The following ERBB4 variants were observed in gnomAD, a reference collection of about 807,000 sequenced individuals.
ERBB4 encodes receptor tyrosine-protein kinase erbB-4.
ERBB4 carries 42 observed loss-of-function variants against 158.0 expected under a neutral mutation model. That is an observed-to-expected ratio of 0.27 (90% confidence interval 0.21 to 0.34). The LOEUF is 0.34. Ranked by LOEUF, ERBB4 falls within the 10% of genes least tolerant of loss-of-function variation. The pLI is 1.00. For missense variants in ERBB4, 1,333 were observed against 1,624.1 expected (o/e 0.82, Z 3.08); for synonymous variants, 583 against 558.7 (o/e 1.04, Z -0.61).
Position 212,476,184 on chromosome 2 carries a change from A to T in ERBB4, c.82+62265T>A, listed in dbSNP as rs570306934. Among the ~76,000 whole-genome samples, 270 of 144,108 alleles carry T rather than the reference A, an allele frequency of 1.9e-3. 3 individuals carry two copies. The highest frequency in any genetic ancestry group is 6.3e-3 in the African/African-American group (242 of 38,440). 94.5% of individuals were successfully genotyped at this position (144,108 alleles called of 152,430 possible). On this transcript the variant is annotated intron_variant, in intron 1 of 27. Coordinates refer to ENST00000342788, the MANE Select transcript of ERBB4 (RefSeq NM_005235.3). ...ACACACACACACACACACACCTTTA[A>T]TGACTTTCATTGCATTTTCTCTTTT...
chr2:211,705,436 A>G (rs1472597207), intron 9 of ERBB4, 45 bp from the exon 10 acceptor site: 1 of 1,216,934 alleles, frequency 8.2e-7, no homozygotes, highest in African/African-American at 1.5e-5. Flanking sequence ...ATTTTACTAA[A>G]GGATTGAAAA....
intron 19 of ERBB4, among the ~76,000 whole-genome samples, chr2:211,612,705 T>G (rs2069245173): frequency 6.6e-6 from 1 of 152,012 alleles, no homozygotes; most frequent in African/African-American, 2.4e-5. Context: ...AAAGGTCTCA[T>G]GCAGAGGACC....
chr2:211,552,364 T>C (rs747696910), intron 20 of ERBB4, among the ~76,000 whole-genome samples: 3 of 152,200 alleles, frequency 2.0e-5, no homozygotes, highest in Non-Finnish European at 2.9e-5. Flanking sequence ...AGGTAGAATC[T>C]AAATTATTTT....
intron 1 of ERBB4, among the ~76,000 whole-genome samples, chr2:212,301,159 C>A (rs911668619): frequency 6.7e-6 from 1 of 149,136 alleles, no homozygotes; most frequent in African/African-American, 2.5e-5. Context: ...CATTATAAAC[C>A]TTTCCTTTCC....
At chr2:211,532,294 ATTGT>A (rs1353960733) in intron 20 of ERBB4, among the ~76,000 whole-genome samples, 1 of 152,092 alleles carries the variant, frequency 6.6e-6, no homozygotes, top group Non-Finnish European at 1.5e-5. Context: ...GTATAATTAG[ATTGT>A]TTGTAACTCA....
At chr2:211,967,090 C>A (rs1030569810) in intron 2 of ERBB4, among the ~76,000 whole-genome samples, 1 of 152,078 alleles carries the variant, frequency 6.6e-6, no homozygotes, top group Non-Finnish European at 1.5e-5. Flanking sequence ...ACTTAAATGA[C>A]AAATGCCTGA....
At chr2:211,812,169 T>C (rs1203592375) in intron 3 of ERBB4, among the ~76,000 whole-genome samples, 1 of 152,232 alleles carries the variant, frequency 6.6e-6, no homozygotes, top group Non-Finnish European at 1.5e-5. Context: ...TGGTTTTATC[T>C]ACCTTTGGTC....
At chr2:211,867,662 G>A (rs2078243460) in intron 3 of ERBB4, among the ~76,000 whole-genome samples, 1 of 152,074 alleles carries the variant, frequency 6.6e-6, no homozygotes, top group African/African-American at 2.4e-5. Context: ...TTGAACTCCT[G>A]GGTGATCATC....
intron 3 of ERBB4, among the ~76,000 whole-genome samples, chr2:211,815,957 G>T (rs1030826385): frequency 6.6e-6 from 1 of 152,162 alleles, no homozygotes; most frequent in Non-Finnish European, 1.5e-5. Context: ...GGGAGTGTTG[G>T]GGGTGAGGGA....
At chr2:212,384,924 C>G (rs575317843) in intron 1 of ERBB4, among the ~76,000 whole-genome samples, 1 of 127,516 alleles carries the variant, frequency 7.8e-6, no homozygotes, top group African/African-American at 3.2e-5. Context: ...TATATATACA[C>G]ACACACACAC....
intron 1 of ERBB4, among the ~76,000 whole-genome samples, chr2:212,382,477 T>G (rs994766061): frequency 2.7e-5 from 4 of 150,664 alleles, no homozygotes; most frequent in Non-Finnish European, 6.0e-5. Context: ...ATTTATATAG[T>G]TCACATTGTC....
At chr2:212,503,575 T>G (rs1471476486) in intron 1 of ERBB4, among the ~76,000 whole-genome samples, 4 of 152,242 alleles carry the variant, frequency 2.6e-5, no homozygotes, top group African/African-American at 9.6e-5. Flanking sequence ...AATCGTTTAC[T>G]TGATGCATAT....
chr2:211,520,999 G>C (rs78350430), intron 20 of ERBB4, among the ~76,000 whole-genome samples: 4,013 of 152,116 alleles, frequency 0.026, 165 homozygotes, highest in African/African-American at 0.091. Context: ...TTTCCCATCT[G>C]CTGGGGCCTT....
chr2:211,990,294 G>A (rs2082038649), intron 2 of ERBB4, among the ~76,000 whole-genome samples: 1 of 151,908 alleles, frequency 6.6e-6, no homozygotes, highest in South Asian at 2.1e-4. Flanking sequence ...GGGGGATTAA[G>A]ATAGTTAGGT....
rs56892079 is a variant in ERBB4 at position 211,580,866 on chromosome 2, CATATATATATATATATATATAT to C, written c.2302-18800_2302-18779del. 3.7e-4 allele frequency among the ~76,000 whole-genome samples: 24 copies of C among 64,174 alleles called. 3 individuals are homozygous for C. The South Asian group carries it at 5.8e-3, about 16-fold the overall frequency. 42.1% of individuals were successfully genotyped at this position (64,174 alleles called of 152,430 possible). A position where few individuals can be genotyped will look rare whatever the true frequency, so the allele number is the denominator to read the frequency against. ...ATATTATATATATAGTATGCATATA[CATATATATATATATATATATAT>C]ATATATATATATATATATATATATA... On this transcript the variant is annotated intron_variant, in intron 19 of 27. Coordinates refer to ENST00000342788, the MANE Select transcript of ERBB4 (RefSeq NM_005235.3).
intron 1 of ERBB4, among the ~76,000 whole-genome samples, chr2:212,226,313 C>T (rs1465451903): frequency 6.6e-6 from 1 of 151,904 alleles, no homozygotes; most frequent in African/African-American, 2.4e-5. Flanking sequence ...TCAGCACTGG[C>T]TGATATCTCA....
At position 212,063,821 on chromosome 2, in the gene ERBB4, G is replaced by A. The variant is rs79667303; in HGVS notation, c.234+60931C>T. ...AAAGGATTTAATTCAGAGAGAGGTG[G>A]TATCAGTTGTGGCTTGATTACTATT... is the stretch of plus-strand genomic sequence containing the variant. On this transcript the variant is annotated intron_variant, in intron 2 of 27. Coordinates refer to ENST00000342788, the MANE Select transcript of ERBB4 (RefSeq NM_005235.3). 3.1e-3 allele frequency among the ~76,000 whole-genome samples: 474 copies of A among 152,252 alleles called. 1 individual carries two copies. Among genetic ancestry groups the A allele is most frequent in the Non-Finnish European group, 5.1e-3 (346 of 68,012 alleles).
chr2:212,535,238 T>TAA (rs1692982317), intron 1 of ERBB4, among the ~76,000 whole-genome samples: 1 of 149,946 alleles, frequency 6.7e-6, no homozygotes, highest in Non-Finnish European at 1.5e-5. Flanking sequence ...AAGCCCCCTT[T>TAA]TATATATATA....
intron 20 of ERBB4, among the ~76,000 whole-genome samples, chr2:211,447,245 C>G (rs757449479): frequency 6.6e-6 from 1 of 151,652 alleles, no homozygotes. Flanking sequence ...AATACTTTAT[C>G]TTTTATGACA....
Sources: allele counts gnomAD v4.1 joint callset (sites outside exome capture counted in the v4.1 genomes callset), GRCh38; gene constraint gnomAD v4.1.1; transcripts MANE v1.5; gene names NCBI Gene and HGNC (gene_info 2026-07-23, HGNC 2026-07-21).